Variants in DACH2 observed in about 807,000 individuals in gnomAD.
DACH2 encodes the protein dachshund family transcription factor 2.
DACH2 carries 17 observed loss-of-function variants against 35.8 expected under a neutral mutation model. The ratio of observed to expected loss-of-function variants is 0.48; its 90% CI spans 0.33 to 0.71. The LOEUF (loss-of-function observed/expected upper bound fraction) is 0.71. Ranked by LOEUF, DACH2 falls within the 30% of genes least tolerant of loss-of-function variation. The probability of loss-of-function intolerance (pLI) is 0.02; values close to 1 mark genes in which losing one functional copy is unlikely to be tolerated. For missense variants in DACH2, 469 were observed against 472.7 expected (o/e 0.99, Z 0.07); for synonymous variants, 195 against 177.3 (o/e 1.10, Z -0.79).
chrX:86,445,415 A>G (rs1219985467), intron 2 of DACH2, among the ~76,000 whole-genome samples: 1 of 94,258 alleles, frequency 1.1e-5, no homozygotes, highest in African/African-American at 3.9e-5. Context: ...GCTAGATGAC[A>G]CGTTAGTGGG....
At chrX:86,777,705 T>C (rs992663301) in intron 7 of DACH2, among the ~76,000 whole-genome samples, 1 of 111,661 alleles carries the variant, frequency 9.0e-6, no homozygotes, top group Non-Finnish European at 1.9e-5. Flanking sequence ...AAATGTTATA[T>C]TTAAATAGGT....
At chrX:86,689,261 G>GA (rs5902912) in intron 4 of DACH2, among the ~76,000 whole-genome samples, 20,732 of 110,599 alleles carry the variant, frequency 0.19, 1,575 homozygotes, top group East Asian at 0.48. Context: ...TCTATTTTCT[G>GA]AATGCATACA....
Position 86,210,699 on chromosome X carries a change from C to T in DACH2, c.488+61591C>T, listed in dbSNP as rs1039815095. 2.1e-4 allele frequency among the ~76,000 whole-genome samples: 23 copies of T among 111,668 alleles called. No individual in the cohort carries two copies. The Admixed American group carries it at 2.1e-3, about 10-fold the overall frequency. ...TGTAATAAACCTTCACTGAAGAAGTCAAATTCTAGGGGAAAAAAAGTTGGA... is the reference window on the plus strand; with the variant it reads ...TGTAATAAACCTTCACTGAAGAAGTTAAATTCTAGGGGAAAAAAAGTTGGA... On this transcript the variant is annotated intron_variant, in intron 1 of 11. Transcript: ENST00000373125.
At chrX:86,482,477 A>G (rs1194560604) in intron 2 of DACH2, among the ~76,000 whole-genome samples, 1 of 110,793 alleles carries the variant, frequency 9.0e-6, no homozygotes, top group African/African-American at 3.3e-5. Flanking sequence ...TGCTATTGTG[A>G]ATAATGCCGC....
intron 3 of DACH2, among the ~76,000 whole-genome samples, chrX:86,640,027 C>A (rs767138364): frequency 9.0e-6 from 1 of 111,418 alleles, no homozygotes; most frequent in Non-Finnish European, 1.9e-5. Flanking sequence ...GCATCCTTCA[C>A]TGATGACACC....
At chrX:86,451,521 G>T (rs959191386) in intron 2 of DACH2, among the ~76,000 whole-genome samples, 2 of 111,346 alleles carry the variant, frequency 1.8e-5, no homozygotes, top group East Asian at 5.6e-4. Flanking sequence ...TTTTGGTTTA[G>T]GATTGTCTGG....
intron 1 of DACH2, among the ~76,000 whole-genome samples, chrX:86,323,898 G>A (rs1194394205): frequency 8.9e-6 from 1 of 112,003 alleles, no homozygotes; most frequent in African/African-American, 3.2e-5. Context: ...GCTGACAGAT[G>A]CTTGGTTTTT....
chrX:86,150,496 A>G (rs1027665972), intron 1 of DACH2, among the ~76,000 whole-genome samples: 10 of 111,890 alleles, frequency 8.9e-5, no homozygotes, highest in Admixed American at 2.8e-4. Context: ...CAGAACTTAC[A>G]AGGGAAGCTT....
Position 86,519,214 on chromosome X carries a change from G to T in DACH2, c.640+4823G>T, listed in dbSNP as rs186861645. Among the ~76,000 whole-genome samples, 9 of 112,248 alleles carry T rather than the reference G, an allele frequency of 8.0e-5. No homozygotes were observed. The East Asian group carries it at 2.2e-3, about 28-fold the overall frequency. ...TAATCACATCTATTGATTTCAATAT[G>T]TTGAACCAACCTTACATCCTGAGGA... is the stretch of plus-strand genomic sequence containing the variant. On this transcript the variant is annotated intron_variant, in intron 3 of 11. Coordinates refer to ENST00000373125, the MANE Select transcript of DACH2 (RefSeq NM_053281.3).
At chrX:86,327,728 A>C (rs2035141477) in intron 1 of DACH2, among the ~76,000 whole-genome samples, 1 of 111,997 alleles carries the variant, frequency 8.9e-6, no homozygotes, top group Admixed American at 9.5e-5. Flanking sequence ...TGAGGAAGAA[A>C]ATTTAAGAAA....
At chrX:86,520,726 T>C (rs1480032559) in intron 3 of DACH2, among the ~76,000 whole-genome samples, 2 of 111,792 alleles carry the variant, frequency 1.8e-5, no homozygotes, top group Non-Finnish European at 3.8e-5. Context: ...CAACTCCTGC[T>C]TTTTTTCTGT....
intron 3 of DACH2, among the ~76,000 whole-genome samples, chrX:86,617,034 T>C (rs1442608365): frequency 8.9e-6 from 1 of 112,150 alleles, no homozygotes; most frequent in East Asian, 2.8e-4. Flanking sequence ...TCTTTCCCCA[T>C]TGTTTTAAAC....
chrX:86,565,104 T>C (rs776280697), intron 3 of DACH2, among the ~76,000 whole-genome samples: 64 of 111,230 alleles, frequency 5.8e-4, no homozygotes, highest in Non-Finnish European at 1.1e-3. Context: ...TAAAAGTGGT[T>C]CCATATTCTG....
intron 6 of DACH2, among the ~76,000 whole-genome samples, chrX:86,725,876 T>C (rs1320923812): frequency 2.7e-5 from 3 of 111,197 alleles, no homozygotes; most frequent in African/African-American, 9.8e-5. Flanking sequence ...TATTGGTAGA[T>C]TGGGTCAGTA....
At chrX:86,316,383 G>A (rs772075071) in intron 1 of DACH2, among the ~76,000 whole-genome samples, 3 of 110,593 alleles carry the variant, frequency 2.7e-5, no homozygotes, top group South Asian at 7.8e-4. Flanking sequence ...CACTCCTTCC[G>A]TGCCTGAGTT....
intron 1 of DACH2, among the ~76,000 whole-genome samples, chrX:86,315,913 G>C (rs1602395641): frequency 9.1e-6 from 1 of 109,538 alleles, no homozygotes; most frequent in East Asian, 2.9e-4. Flanking sequence ...CATAGAGAGG[G>C]GTCTGAAGTG....
intron 2 of DACH2, among the ~76,000 whole-genome samples, chrX:86,483,533 T>G (rs2037974754): frequency 1.8e-5 from 2 of 111,373 alleles, no homozygotes; most frequent in African/African-American, 6.5e-5. Flanking sequence ...GAAATAGTGC[T>G]AAGAAAGACT....
chrX:86,549,162 G>A (rs1163464752), intron 3 of DACH2, among the ~76,000 whole-genome samples: 6 of 111,559 alleles, frequency 5.4e-5, no homozygotes, highest in Non-Finnish European at 9.4e-5. Context: ...TCACACACAT[G>A]CATTTCTTTA....
At chrX:86,283,477 C>A (rs2034076185) in intron 1 of DACH2, among the ~76,000 whole-genome samples, 1 of 110,991 alleles carries the variant, frequency 9.0e-6, no homozygotes, top group Non-Finnish European at 1.9e-5. Context: ...CAGAACCAAC[C>A]CAAATGCCAA....
Sources: allele counts gnomAD v4.1 joint callset (sites outside exome capture counted in the v4.1 genomes callset), GRCh38; gene constraint gnomAD v4.1.1; transcripts MANE v1.5; gene names NCBI Gene and HGNC (gene_info 2026-07-23, HGNC 2026-07-21).